Variants in SKAP1 observed in about 807,000 individuals in gnomAD.
The protein encoded by SKAP1 is src kinase-associated phosphoprotein 1.
SKAP1 carries 44 observed loss-of-function variants against 58.5 expected under a neutral mutation model. The observed-to-expected ratio is 0.75, with a 90% CI of 0.59 to 0.97. The LOEUF is 0.97. SKAP1 is among the 50% of genes least tolerant of loss of function. SKAP1 has a pLI of 0.00. For synonymous variants in SKAP1, 127 were observed against 149.7 expected (o/e 0.85, Z 1.11); for missense variants, 390 against 435.2 (o/e 0.90, Z 0.92).
At chr17:48,264,773 CA>C (rs1382658706) in intron 4 of SKAP1, among the ~76,000 whole-genome samples, 4 of 151,766 alleles carry the variant, frequency 2.6e-5, no homozygotes, top group African/African-American at 9.7e-5. Flanking sequence ...CACACACACA[CA>C]CACACACACC....
chr17:48,349,997 G>A, intron 3 of SKAP1, among the ~76,000 whole-genome samples: 1 of 152,114 alleles, frequency 6.6e-6, no homozygotes, highest in East Asian at 1.9e-4. Flanking sequence ...ATGGAGAAGT[G>A]AATTAAACTG....
At chr17:48,312,420 G>A (rs888472023) in intron 4 of SKAP1, among the ~76,000 whole-genome samples, 5 of 152,136 alleles carry the variant, frequency 3.3e-5, no homozygotes, top group Admixed American at 6.5e-5. Flanking sequence ...TTAGGATGAC[G>A]TAGAATCCAG....
intron 11 of SKAP1, among the ~76,000 whole-genome samples, chr17:48,151,086 G>GAAA (rs369278460): frequency 1.5e-5 from 2 of 130,414 alleles, no homozygotes; most frequent in Non-Finnish European, 1.6e-5. Context: ...GACGCAGCAG[G>GAAA]AAAAAAAAAA....
intron 4 of SKAP1, chr17:48,308,266 G>A (rs1004783948): frequency 5.9e-5 from 9 of 152,104 alleles, no homozygotes; most frequent in Non-Finnish European, 1.2e-4. Context: ...TATCCTTAGA[G>A]TAAAATAAGA....
chr17:48,267,870 G>T (rs964704603), intron 4 of SKAP1, among the ~76,000 whole-genome samples: 1 of 152,124 alleles, frequency 6.6e-6, no homozygotes, highest in African/African-American at 2.4e-5. Context: ...AGATGGAAAG[G>T]CACACCATTT....
intron 4 of SKAP1, among the ~76,000 whole-genome samples, chr17:48,286,594 G>A (rs1266051326): frequency 6.6e-6 from 1 of 152,190 alleles, no homozygotes; most frequent in East Asian, 1.9e-4. Context: ...TATGAATTCA[G>A]CCAGAGGCAA....
At chr17:48,380,137 T>A (rs1156810977) in intron 2 of SKAP1, 1 of 152,158 alleles carries the variant, frequency 6.6e-6, no homozygotes. Context: ...AGGTCAGGGG[T>A]CCTCAGAGTT....
rs185286802 is a variant in SKAP1, at chr17:48,159,902, T to C, written c.978+2567A>G. ...GCAGCTTCATGAGGGAAAGTTCAGCTGAGCTCTTAACTTCTCATTTCCTCT... is the reference window on the plus strand; with the variant it reads ...GCAGCTTCATGAGGGAAAGTTCAGCCGAGCTCTTAACTTCTCATTTCCTCT... On this transcript the variant is annotated intron_variant, in intron 11 of 12. Transcript: ENST00000336915. Among the ~76,000 whole-genome samples the C allele has an allele frequency of 4.7e-3, 714 of 152,346 alleles. 3 individuals are homozygous for C. Among genetic ancestry groups the C allele is most frequent in the African/African-American group, 0.016 (669 of 41,570 alleles).
Position 48,180,124 on chromosome 17 carries a change from C to T in SKAP1, c.756G>A (p.Leu252=). The T allele has an allele frequency of 1.2e-6, 2 of 1,613,886 alleles. No homozygotes were observed. The highest frequency in any genetic ancestry group is 8.5e-7 in the Non-Finnish European group (1 of 1,179,892). ...SCGSQCRPTI[L]PGSVGIKEPT... ...GCTCTTTTATCCCCACACTCCCAGG[C>T]AAGATAGTGGGTCTGCACTGGGAAC... The change falls in exon 9 of 13, where the codon TTG becomes TTA. Residue 252 remains leucine (L), a synonymous_variant. Coordinates refer to ENST00000336915, the MANE Select transcript of SKAP1 (RefSeq NM_003726.4).
At chr17:48,405,421 CTTTCTTTCTTTCTTTCTTTCTTTCTTTCT>C (rs1339296854) in intron 1 of SKAP1, among the ~76,000 whole-genome samples, 1,264 of 82,286 alleles carry the variant, frequency 0.015, 19 homozygotes, top group Middle Eastern at 0.022. Flanking sequence ...TTCTTTCTTT[CTTTCTTTCTTTCTTTCTTTCTTTCTTTCT>C]TTTCTTTCTT....
intron 2 of SKAP1, among the ~76,000 whole-genome samples, chr17:48,390,812 C>T (rs573885084): frequency 1.3e-5 from 2 of 152,272 alleles, no homozygotes; most frequent in East Asian, 1.9e-4. Context: ...CGGTGGCTCA[C>T]GCCTGTAATC....
intron 9 of SKAP1, among the ~76,000 whole-genome samples, chr17:48,173,523 T>A (rs914427071): frequency 1.3e-5 from 2 of 152,242 alleles, no homozygotes; most frequent in Non-Finnish European, 2.9e-5. Flanking sequence ...GGACTAATTT[T>A]AGGATTGGAA....
At chr17:48,200,136 G>A (rs1178744255) in intron 4 of SKAP1, among the ~76,000 whole-genome samples, 3 of 151,348 alleles carry the variant, frequency 2.0e-5, no homozygotes, top group Non-Finnish European at 1.5e-5. Flanking sequence ...AAAAAAAAAA[G>A]TACAAAAATA....
intron 4 of SKAP1, among the ~76,000 whole-genome samples, chr17:48,288,190 T>G (rs1198291748): frequency 6.6e-6 from 1 of 152,254 alleles, no homozygotes; most frequent in African/African-American, 2.4e-5. Flanking sequence ...AATGAAGGCG[T>G]GTTCTGATTA....
intron 4 of SKAP1, among the ~76,000 whole-genome samples, chr17:48,322,496 C>T (rs2066380652): frequency 6.6e-6 from 1 of 152,112 alleles, no homozygotes; most frequent in Non-Finnish European, 1.5e-5. Flanking sequence ...GTTCTTCTAG[C>T]TTTGCTACTT....
chr17:48,194,826 T>C (rs1045880120), intron 4 of SKAP1, among the ~76,000 whole-genome samples: 4 of 152,176 alleles, frequency 2.6e-5, no homozygotes, highest in Admixed American at 2.6e-4. Flanking sequence ...GCCTAGAGAC[T>C]AATAGCTAAC....
At chr17:48,214,427 C>T (rs1253119000) in intron 4 of SKAP1, among the ~76,000 whole-genome samples, 2 of 152,156 alleles carry the variant, frequency 1.3e-5, no homozygotes, top group African/African-American at 4.8e-5. Context: ...CTATTAGCTT[C>T]TGATTGTTTC....
intron 4 of SKAP1, among the ~76,000 whole-genome samples, chr17:48,254,794 C>T (rs2065404883): frequency 6.6e-6 from 1 of 151,734 alleles, no homozygotes; most frequent in Non-Finnish European, 1.5e-5. Context: ...CCTAGAAATA[C>T]CATAAAATTC....
At chr17:48,341,282 T>G (rs1248461467) in intron 4 of SKAP1, among the ~76,000 whole-genome samples, 1 of 152,220 alleles carries the variant, frequency 6.6e-6, no homozygotes, top group African/African-American at 2.4e-5. Context: ...CTGGCTACAA[T>G]AATTTAATCA....
Sources: allele counts gnomAD v4.1 joint callset (sites outside exome capture counted in the v4.1 genomes callset), GRCh38; gene constraint gnomAD v4.1.1; transcripts MANE v1.5; gene names NCBI Gene and HGNC (gene_info 2026-07-23, HGNC 2026-07-21).